The following IRX2 variants were observed in gnomAD, a reference collection of about 807,000 sequenced individuals.
IRX2 encodes the protein iroquois homeobox 2.
Under a neutral mutation model 42.9 loss-of-function variants are expected in IRX2, and 26 were observed. The observed-to-expected ratio is 0.61, with a 90% confidence interval of 0.44 to 0.84. IRX2 has a LOEUF of 0.84. IRX2 is among the 40% of genes least tolerant of loss of function. The pLI, the probability that IRX2 is intolerant of heterozygous loss-of-function variation, is 0.00. For missense variants in IRX2, 782 were observed against 713.9 expected (o/e 1.10, Z -1.09); for synonymous variants, 424 against 353.9 (o/e 1.20, Z -2.22).
chr5:2,741,668 T>C (rs1384444419), downstream of IRX2, among the ~76,000 whole-genome samples: 1 of 152,200 alleles, frequency 6.6e-6, no homozygotes, highest in East Asian at 1.9e-4. Flanking sequence ...CACAATAAAT[T>C]GTCAATTTAT....
At chr5:2,744,945 C>T (rs1458957271), downstream of IRX2, among the ~76,000 whole-genome samples, 1 of 152,190 alleles carries the variant, frequency 6.6e-6, no homozygotes, top group East Asian at 1.9e-4. Flanking sequence ...TCTAAGATTA[C>T]TTTCAAATAC....
Position 2,751,072 on chromosome 5 carries a change from G to A in IRX2, c.249+93C>T. 8.5e-7 allele frequency: 1 copy of A among 1,175,006 alleles called. No homozygotes were observed. The highest frequency in any genetic ancestry group is 1.1e-6 in the Non-Finnish European group (1 of 949,402). 72.8% of individuals were successfully genotyped at this position (1,175,006 alleles called of 1,614,324 possible). A position where few individuals can be genotyped will look rare whatever the true frequency, so the allele number is the denominator to read the frequency against. The stretch of plus-strand genomic sequence containing the variant: ...TCGCCAGCCGCGCCACATTCCCGGC[G>A]GCCCCCGCCCGCCGAACCCGAGCCC... On this transcript the variant is annotated intron_variant, in intron 1 of 3. Transcript: ENST00000302057. This position sits in a 1 kb window ranked among gnomAD's most constrained non-coding sequence, Gnocchi z 4.0.
At chr5:2,743,523 G>A (rs980178566), downstream of IRX2, among the ~76,000 whole-genome samples, 1 of 125,368 alleles carries the variant, frequency 8.0e-6, no homozygotes, top group Non-Finnish European at 1.7e-5. Context: ...CCACCACGCG[G>A]GCGCCGGGCC....
intron 1 of IRX2, among the ~76,000 whole-genome samples, 180 bp downstream of exon 1, chr5:2,750,984 GC>G (rs1737938644): frequency 6.6e-6 from 1 of 151,634 alleles, no homozygotes. Flanking sequence ...CTGCCGCGCT[GC>G]CCTCCCCACC....
downstream of IRX2, among the ~76,000 whole-genome samples, chr5:2,741,090 T>C (rs1234434203): frequency 2.6e-5 from 4 of 152,246 alleles, no homozygotes; most frequent in South Asian, 8.3e-4. Context: ...GCAGCGCCCT[T>C]CCCGGCCTCA....
At chr5:2,749,122 T>A (rs1737819508) in intron 2 of IRX2, 70 bp from the exon 3 acceptor site, 1 of 1,546,744 alleles carries the variant, frequency 6.5e-7, no homozygotes, top group Non-Finnish European at 8.7e-7. Context: ...CTCCGCCCCC[T>A]GTCCTGCGGC....
Position 2,748,915 on chromosome 5 carries a change from C to T in IRX2, c.793G>A (p.Asp265Asn), listed in dbSNP as rs531740600. Residue 265 changes from aspartate to asparagine, a missense_variant, in exon 3 of 4, where the codon GAC becomes AAC. Around this residue, in one of 3 missense-constraint regions of IRX2, gnomAD observed 520 missense variants for 437.8 expected, o/e 1.19. Coordinates refer to ENST00000302057, the MANE Select transcript of IRX2 (RefSeq NM_033267.5). ...CCCTCCTCGTCGTCGTCCTCGTCGT[C>T]CTCCAGGTCGTCATACTTGTCCTTG... ...ECKDKYDDLEDDEDDDEEGER... is the reference protein window; with the variant it reads ...ECKDKYDDLENDEDDDEEGER... The T allele has an allele frequency of 2.9e-5, 46 of 1,596,788 alleles. No individual in the cohort carries two copies. The highest frequency in any genetic ancestry group is 6.7e-5 in the Admixed American group (4 of 59,934).
chr5:2,735,862 T>C, the IRX2 span, among the ~76,000 whole-genome samples: 1 of 152,162 alleles, frequency 6.6e-6, no homozygotes, highest in Non-Finnish European at 1.5e-5. Flanking sequence ...AACTCAGAAC[T>C]CAGAAGCCCA....
intron 2 of IRX2, 77 bp from the exon 3 acceptor site, chr5:2,749,129 C>T: frequency 2.0e-6 from 3 of 1,534,290 alleles, no homozygotes; most frequent in East Asian, 2.4e-5. Context: ...CCCTGTCCTG[C>T]GGCACTGGGC....
At chr5:2,745,629 G>T (rs1438496789), downstream of IRX2, among the ~76,000 whole-genome samples, 1 of 152,130 alleles carries the variant, frequency 6.6e-6, no homozygotes, top group African/African-American at 2.4e-5. Context: ...CTCACCCGAG[G>T]TTTAATGTGC....
rs1372355102 is a variant in IRX2, at chr5:2,751,210, G to A, written c.204C>T (p.Tyr68=). The A allele has an allele frequency of 4.5e-6, 6 of 1,332,374 alleles. No homozygotes were observed. The African/African-American group carries it at 4.6e-5, about 10-fold the overall frequency. 82.5% of individuals were successfully genotyped at this position (1,332,374 alleles called of 1,614,324 possible). A position where few individuals can be genotyped will look rare whatever the true frequency, so the allele number is the denominator to read the frequency against. The change falls in exon 1 of 4, where the codon TAC becomes TAT. Residue 68 remains tyrosine, a synonymous_variant. Transcript: ENST00000302057. This position sits in a 1 kb window ranked among gnomAD's most constrained non-coding sequence, Gnocchi z 4.0. ...AATGFGSPLQ[Y]SADAAAAAAG... is the part of the protein sequence containing the mutation. ...CGGCGGCGGCGGCGGCGTCGGCCGA[G>A]TACTGCAGCGGGCTCCCGAAGCCGG...
At chr5:2,744,242 C>G (rs955062226), downstream of IRX2, among the ~76,000 whole-genome samples, 3 of 152,154 alleles carry the variant, frequency 2.0e-5, no homozygotes, top group Non-Finnish European at 4.4e-5. Context: ...CTTAGCTTTT[C>G]TACTCTCACA....
intron 2 of IRX2, 96 bp downstream of exon 2, chr5:2,749,286 G>A (rs1737831406): frequency 2.0e-6 from 3 of 1,491,182 alleles, no homozygotes; most frequent in African/African-American, 1.4e-5. Flanking sequence ...GCCCGGACCT[G>A]GGGTGTCCGG....
In IRX2 at chr5:2,748,609, G is replaced by A. The variant is rs1329035368; in HGVS notation, c.1099C>T (p.Pro367Ser). Residue 367 changes from proline (P) to serine (S), a missense_variant, in exon 3 of 4, where the codon CCA (proline) becomes TCA (serine). Physicochemically the swap from Pro to Ser is moderately conservative, Grantham distance 74. This residue lies in a region of IRX2 where 520 missense variants were observed against 437.8 expected (regional missense o/e 1.19). Coordinates refer to ENST00000302057, the MANE Select transcript of IRX2 (RefSeq NM_033267.5). The stretch of plus-strand genomic sequence containing the variant: ...GAGGCAGGGTAGGGCGAGCCTCCTG[G>A]CGGTGCCCCGGTTGAGGCCGGCGCG... ...AAAPASTGAP[P>S]GGSPYPASPL... 4 of 1,531,782 alleles carry A rather than the reference G, an allele frequency of 2.6e-6. No individual in the cohort carries two copies. The highest frequency in any genetic ancestry group is 3.5e-6 in the Non-Finnish European group (4 of 1,142,676). The allele number at this position is 1,531,782 out of a possible 1,614,324, so 94.9% of individuals were successfully genotyped here.
chr5:2,749,263 G>A, intron 2 of IRX2, 119 bp downstream of exon 2: 1 of 1,456,162 alleles, frequency 6.9e-7, no homozygotes, highest in Non-Finnish European at 9.1e-7. Flanking sequence ...AATGTGGTGC[G>A]GCTGGGGCTC....
chr5:2,748,737 G>T lies in IRX2; in HGVS notation c.971C>A (p.Ala324Asp). The part of the protein sequence containing the change: ...SRTSPGAPPP[A>D]SKPKLWSLAE... The stretch of plus-strand genomic sequence containing the variant: ...CAGCGACCACAGCTTGGGCTTGCTG[G>T]CGGGGGGCGGCGCGCCCGGAGACGT... Residue 324 changes from alanine (A) to aspartate (D), a missense_variant, in exon 3 of 4, where the codon GCC becomes GAC. Physicochemically the swap from Ala to Asp is moderately radical, Grantham distance 126 (BLOSUM62 -2). Transcript: ENST00000302057. 7.3e-7 allele frequency: 1 copy of T among 1,368,382 alleles called. No individual in the cohort carries two copies. Among genetic ancestry groups the T allele is most frequent in the South Asian group, 1.7e-5 (1 of 57,224 alleles). The allele number at this position is 1,368,382 out of a possible 1,614,324, so 84.8% of individuals were successfully genotyped here. A position where few individuals can be genotyped will look rare whatever the true frequency, so the allele number is the denominator to read the frequency against.
At position 2,747,606 on chromosome 5, in the gene IRX2, C is replaced by A; in HGVS notation, c.1374G>T (p.Glu458Asp). 1 of 1,614,004 alleles carries A rather than the reference C, an allele frequency of 6.2e-7. No homozygotes were observed. Among genetic ancestry groups the A allele is most frequent in the African/African-American group, 1.3e-5 (1 of 75,066 alleles). The change falls in exon 4 of 4, where the codon GAG becomes GAT. Residue 458 changes from glutamate to aspartate, a missense_variant. Glu to Asp is a conservative substitution (Grantham distance 45). Transcript: ENST00000302057. ...CGCCCCCGCCAACCACGGTGCAGCC[C>A]TCGCTGGCATCTGTCAGGGGAGTGG... is the stretch of plus-strand genomic sequence containing the variant. ...GGYEPKKDAS[E>D]GCTVVGGGVQ... is the part of the protein sequence containing the mutation.
At chr5:2,750,507 C>T (rs1055763595) in intron 1 of IRX2, among the ~76,000 whole-genome samples, 1 of 152,232 alleles carries the variant, frequency 6.6e-6, no homozygotes, top group Non-Finnish European at 1.5e-5. Context: ...CGAGCCGCCC[C>T]CAGGTCGCCG....
At chr5:2,738,949 G>T in the IRX2 span, among the ~76,000 whole-genome samples, 1 of 152,190 alleles carries the variant, frequency 6.6e-6, no homozygotes. Context: ...TCCCCAGGCT[G>T]CCGGGTAGGC....
Sources: gnomAD v4.1 joint callset for allele counts (sites outside exome capture counted in the v4.1 genomes callset) on GRCh38, gnomAD v4.1.1 for gene constraint, gnomAD v4.1.1 regional missense constraint, Gnocchi (gnomAD v3.1) non-coding constraint, MANE v1.5 for transcripts, NCBI Gene and HGNC (gene_info 2026-07-23, HGNC 2026-07-21) for gene names.